HDAC9: variants seen among roughly 807,000 people sequenced by gnomAD.
HDAC9 encodes the protein histone deacetylase 9, also known as MEF-2 interacting transcription repressor (MITR) protein.
A neutral mutation model predicts 139.4 loss-of-function variants in HDAC9; 41 were observed. The observed-to-expected ratio is 0.29, with a 90% CI of 0.23 to 0.38. The LOEUF (loss-of-function observed/expected upper bound fraction) is 0.38, where lower values mean the gene tolerates loss of function less well. HDAC9 is among the 10% of genes least tolerant of loss of function. HDAC9 has a pLI of 1.00. For synonymous variants in HDAC9, 517 were observed against 476.2 expected, an observed-to-expected ratio of 1.09 and a Z score of -1.12; for missense variants, 1,147 against 1,297.0, an observed-to-expected ratio of 0.88 and a Z score of 1.78.
intron 1 of HDAC9, among the ~76,000 whole-genome samples, chr7:18,137,433 C>T (rs1785510274): frequency 1.3e-5 from 2 of 151,162 alleles, no homozygotes; most frequent in South Asian, 4.2e-4. Context: ...ATGTTATTGG[C>T]TGTGGGTTTG....
rs963790427 is a variant in HDAC9, at chr7:18,998,526, T to C, written c.*2464T>C. 3.9e-5 allele frequency: 6 copies of C among 152,228 alleles called. No homozygotes were observed. The highest frequency in any genetic ancestry group is 1.3e-4 in the Admixed American group (2 of 15,278). 9.4% of individuals were successfully genotyped at this position (152,228 alleles called of 1,614,324 possible). On this transcript the variant is annotated 3_prime_UTR_variant, in exon 26 of 26. Transcript: ENST00000686413. ...ACAGCATGTAGTTGTAAGAACAGAA[T>C]GCCATTGCTTTTTGATTATACCATT...
At chr7:18,142,229 G>C (rs537274059) in intron 1 of HDAC9, among the ~76,000 whole-genome samples, 1 of 152,238 alleles carries the variant, frequency 6.6e-6, no homozygotes, top group South Asian at 2.1e-4. Flanking sequence ...GATATAGAAA[G>C]GATTAGACAT....
chr7:18,703,552 A>T (rs1173488743), intron 12 of HDAC9, among the ~76,000 whole-genome samples: 8 of 152,186 alleles, frequency 5.3e-5, no homozygotes, highest in Non-Finnish European at 1.5e-5. Context: ...ATCTTTCTGC[A>T]TAGCAGCATA....
chr7:18,484,173 C>CAAAA (rs1177599086), intron 1 of HDAC9, among the ~76,000 whole-genome samples: 2 of 63,248 alleles, frequency 3.2e-5, no homozygotes, highest in Admixed American at 1.9e-4. Flanking sequence ...CCTTATCTCT[C>CAAAA]AAAAAAAAAA....
At chr7:18,460,135 C>T (rs536672226) in intron 1 of HDAC9, among the ~76,000 whole-genome samples, 6 of 151,882 alleles carry the variant, frequency 4.0e-5, no homozygotes, top group Non-Finnish European at 7.4e-5. Context: ...TGTCCAGGCT[C>T]GTCTCCAACT....
intron 17 of HDAC9, among the ~76,000 whole-genome samples, chr7:18,826,041 G>A (rs552796258): frequency 6.6e-6 from 1 of 152,200 alleles, no homozygotes; most frequent in East Asian, 1.9e-4. Context: ...AGAAAAGCAG[G>A]AAGGTTGGGG....
Position 18,689,240 on chromosome 7 carries a change from A to C in HDAC9, c.1731+22764A>C. Among the ~76,000 whole-genome samples the C allele has an allele frequency of 2.5e-5, 3 of 120,686 alleles. No homozygotes were observed. The Middle Eastern group carries it at 0.011, about 461-fold the overall frequency. 79.2% of individuals were successfully genotyped at this position (120,686 alleles called of 152,430 possible). ...ACATTATTGCAACTTCCAAATGAAT[A>C]CATTATTTCCCTCCCACCGTAGGAT... On this transcript the variant is annotated intron_variant, in intron 12 of 25. Transcript: ENST00000686413.
intron 22 of HDAC9, among the ~76,000 whole-genome samples, chr7:18,933,859 A>G (rs1304977676): frequency 6.6e-6 from 1 of 152,168 alleles, no homozygotes; most frequent in African/African-American, 2.4e-5. Flanking sequence ...TTCTAGAGTT[A>G]AATAATACAA....
intron 22 of HDAC9, among the ~76,000 whole-genome samples, chr7:18,902,326 A>C (rs535320299): frequency 1.3e-5 from 2 of 152,272 alleles, no homozygotes; most frequent in South Asian, 4.1e-4. Flanking sequence ...AAGCCCTCTA[A>C]TGTGTCCTTA....
intron 2 of HDAC9, among the ~76,000 whole-genome samples, chr7:18,283,123 G>A (rs920544385): frequency 6.6e-6 from 1 of 152,038 alleles, no homozygotes; most frequent in Non-Finnish European, 1.5e-5. Flanking sequence ...AATTTAGGAA[G>A]AAAAGAGGTT....
chr7:18,820,866 G>A (rs569859278), intron 17 of HDAC9, among the ~76,000 whole-genome samples: 3 of 152,238 alleles, frequency 2.0e-5, no homozygotes, highest in South Asian at 2.1e-4. Context: ...CTCAGAAATC[G>A]GGGTTGGCAA....
At chr7:18,218,056 T>C (rs1004455395) in intron 2 of HDAC9, among the ~76,000 whole-genome samples, 3 of 152,110 alleles carry the variant, frequency 2.0e-5, no homozygotes, top group African/African-American at 7.2e-5. Context: ...AAGATGTTGG[T>C]TTTTTTGCCA....
At chr7:18,118,156 C>G (rs544265910) in intron 1 of HDAC9, among the ~76,000 whole-genome samples, 1 of 152,324 alleles carries the variant, frequency 6.6e-6, no homozygotes, top group East Asian at 1.9e-4. Flanking sequence ...TCACCAGAAT[C>G]CATGAGGATT....
intron 17 of HDAC9, among the ~76,000 whole-genome samples, chr7:18,825,336 A>G (rs1426011983): frequency 6.6e-6 from 1 of 152,198 alleles, no homozygotes; most frequent in Non-Finnish European, 1.5e-5. Context: ...TGAGCCTCCA[A>G]GGGAGATTGA....
intron 1 of HDAC9, among the ~76,000 whole-genome samples, chr7:18,354,323 A>AT (rs750896827): frequency 5.9e-5 from 9 of 152,200 alleles, no homozygotes; most frequent in Non-Finnish European, 1.3e-4. Flanking sequence ...AAAGGTAACC[A>AT]TTATGCAATA....
chr7:18,303,820 C>G (rs987206522), intron 1 of HDAC9, among the ~76,000 whole-genome samples: 9 of 152,200 alleles, frequency 5.9e-5, no homozygotes, highest in Non-Finnish European at 1.3e-4. Context: ...GTTCCTTCCC[C>G]GTTCTGCTGG....
chr7:18,322,445 A>G (rs1800099914), intron 1 of HDAC9, among the ~76,000 whole-genome samples: 1 of 152,204 alleles, frequency 6.6e-6, no homozygotes, highest in African/African-American at 2.4e-5. Flanking sequence ...GTATAGTTAG[A>G]TACATCTTTG....
chr7:18,980,339 T>C (rs897057662), intron 25 of HDAC9, among the ~76,000 whole-genome samples: 7 of 152,204 alleles, frequency 4.6e-5, no homozygotes, highest in Non-Finnish European at 8.8e-5. Flanking sequence ...ATAATTTAGC[T>C]TCCCATCTCA....
chr7:18,429,719 T>C (rs1396587107), intron 1 of HDAC9, among the ~76,000 whole-genome samples: 1 of 152,186 alleles, frequency 6.6e-6, no homozygotes, highest in Admixed American at 6.5e-5. Context: ...AAGTTTAAAC[T>C]TGGAGAGGCA....
Sources: gnomAD v4.1 joint callset for allele counts (sites outside exome capture counted in the v4.1 genomes callset) on GRCh38, gnomAD v4.1.1 for gene constraint, MANE v1.5 for transcripts, NCBI Gene and HGNC (gene_info 2026-07-23, HGNC 2026-07-21) for gene names.